The following ARHGAP40 variants were observed in gnomAD, a reference collection of about 807,000 sequenced individuals.
ARHGAP40 encodes the protein Rho GTPase activating protein 40.
A neutral mutation model predicts 73.5 loss-of-function variants in ARHGAP40; 43 were observed. The ratio of observed to expected loss-of-function variants is 0.58; its 90% CI spans 0.46 to 0.75. The LOEUF is 0.75. Ranked by LOEUF, ARHGAP40 falls within the 30% of genes least tolerant of loss-of-function variation. The pLI is 0.00. For missense variants in ARHGAP40, 734 were observed against 861.8 expected, an observed-to-expected ratio of 0.85 and a Z score of 1.86; for synonymous variants, 300 against 352.8, an observed-to-expected ratio of 0.85 and a Z score of 1.68.
At chr20:38,648,262 G>A (rs756056032) in intron 13 of ARHGAP40, among the ~76,000 whole-genome samples, 12 of 152,256 alleles carry the variant, frequency 7.9e-5, no homozygotes, top group African/African-American at 4.8e-5. Flanking sequence ...ATTATCATAT[G>A]TAATCATACA....
At chr20:38,604,502 T>A in intron 1 of ARHGAP40, among the ~76,000 whole-genome samples, 1 of 151,970 alleles carries the variant, frequency 6.6e-6, no homozygotes, top group East Asian at 1.9e-4. Flanking sequence ...TTCAAGTGAT[T>A]CTCCTGCCTT....
chr20:38,630,589 G>C (rs1225793719), intron 5 of ARHGAP40, among the ~76,000 whole-genome samples: 1 of 152,074 alleles, frequency 6.6e-6, no homozygotes, highest in Non-Finnish European at 1.5e-5. Flanking sequence ...ATCATTGATA[G>C]TTAGGTTTTT....
intron 3 of ARHGAP40, among the ~76,000 whole-genome samples, 187 bp downstream of exon 3, chr20:38,627,402 TGGGGTA>T (rs2088905421): frequency 1.7e-5 from 2 of 117,182 alleles, no homozygotes; most frequent in Non-Finnish European, 3.6e-5. Flanking sequence ...GTGTGTGTGT[TGGGGTA>T]TGTGTGTTGG....
chr20:38,615,480 G>T, intron 1 of ARHGAP40: 1 of 677,296 alleles, frequency 1.5e-6, no homozygotes. Context: ...CGTCCATGGC[G>T]GCGCGAGTGG....
At chr20:38,629,113 A>C in intron 4 of ARHGAP40, 111 bp downstream of exon 4, 1 of 939,912 alleles carries the variant, frequency 1.1e-6, no homozygotes, top group Non-Finnish European at 1.4e-6. Context: ...CTTCCTGCTG[A>C]CTCCCTGCCT....
At chr20:38,643,610 G>T (rs1421245020) in intron 10 of ARHGAP40, 94 bp from the exon 11 acceptor site, 1 of 1,066,784 alleles carries the variant, frequency 9.4e-7, no homozygotes, top group Non-Finnish European at 1.3e-6. Context: ...CTCCTTCCTA[G>T]CACCCCCTTA....
chr20:38,619,867 C>T (rs1016602660), intron 1 of ARHGAP40, among the ~76,000 whole-genome samples: 10 of 151,900 alleles, frequency 6.6e-5, no homozygotes, highest in Middle Eastern at 6.8e-3. Flanking sequence ...GGAGTCAAGG[C>T]ATTTAAGGGC....
chr20:38,603,708 C>A (rs1390859023), intron 1 of ARHGAP40, among the ~76,000 whole-genome samples: 2 of 152,154 alleles, frequency 1.3e-5, no homozygotes, highest in African/African-American at 4.8e-5. Context: ...TGCTGGAAAT[C>A]CCCAAATCGA....
At chr20:38,617,279 G>A (rs953349097) in intron 1 of ARHGAP40, among the ~76,000 whole-genome samples, 11 of 152,196 alleles carry the variant, frequency 7.2e-5, no homozygotes, top group Non-Finnish European at 1.2e-4. Flanking sequence ...TCTCGGCTTC[G>A]CTGAGCAGGC....
At chr20:38,615,203 G>T (rs532285292) in intron 1 of ARHGAP40, 193 of 787,908 alleles carry the variant, frequency 2.4e-4, no homozygotes, top group Middle Eastern at 5.6e-4. Flanking sequence ...TGTAGTAAAG[G>T]CTGGTGGGCA....
At chr20:38,630,061 TTTC>T (rs1164693306) in intron 5 of ARHGAP40, among the ~76,000 whole-genome samples, 1 of 127,738 alleles carries the variant, frequency 7.8e-6, no homozygotes, top group Non-Finnish European at 1.7e-5. Flanking sequence ...CTCCTTCTTT[TTTC>T]TTTCTTTCTT....
At chr20:38,610,060 C>T (rs6100402) in intron 1 of ARHGAP40, among the ~76,000 whole-genome samples, 30,827 of 152,244 alleles carry the variant, frequency 0.2, 4,808 homozygotes, top group African/African-American at 0.44. Flanking sequence ...GATGCTCTTC[C>T]TGCTGGTCTT....
chr20:38,644,271 A>C (rs891538772), intron 11 of ARHGAP40, among the ~76,000 whole-genome samples: 36 of 152,194 alleles, frequency 2.4e-4, no homozygotes, highest in African/African-American at 8.7e-4. Context: ...CAGAGCCCAG[A>C]ACCAGATAAC....
At chr20:38,626,892 C>G in intron 2 of ARHGAP40, 103 bp from the exon 3 acceptor site, 1 of 894,282 alleles carries the variant, frequency 1.1e-6, no homozygotes, top group Non-Finnish European at 1.6e-6. Context: ...TGCAGAAACT[C>G]CTGTGTCCAG....
intron 2 of ARHGAP40, among the ~76,000 whole-genome samples, chr20:38,624,631 T>C (rs575318256): frequency 1.7e-3 from 167 of 96,778 alleles, no homozygotes; most frequent in Non-Finnish European, 2.5e-3. Flanking sequence ...AAAAGCACTT[T>C]CCTGCCTCAA....
chr20:38,614,074 G>A (rs1203471292), intron 1 of ARHGAP40, among the ~76,000 whole-genome samples: 4 of 152,154 alleles, frequency 2.6e-5, no homozygotes, highest in East Asian at 1.9e-4. Flanking sequence ...GGGTTGCTTC[G>A]TAGATGTGAG....
intron 1 of ARHGAP40, among the ~76,000 whole-genome samples, chr20:38,603,517 CCATCTATCTATT>C (rs201433986): frequency 0.011 from 1,606 of 152,144 alleles, 27 homozygotes; most frequent in African/African-American, 0.036. Flanking sequence ...ATCTATCTAT[CCATCTATCTATT>C]CATCTATCTA....
intron 1 of ARHGAP40, among the ~76,000 whole-genome samples, chr20:38,616,786 C>T (rs1448550346): frequency 1.3e-5 from 2 of 152,080 alleles, no homozygotes; most frequent in African/African-American, 4.8e-5. Flanking sequence ...GGTCTGGAGA[C>T]CTTGTCATTG....
chr20:38,632,812 C>A (rs1568609151), intron 5 of ARHGAP40, among the ~76,000 whole-genome samples: 2 of 150,648 alleles, frequency 1.3e-5, no homozygotes, highest in Non-Finnish European at 3.0e-5. Context: ...CCCATCTCTA[C>A]AAAAATTTTT....
Sources: allele counts gnomAD v4.1 joint callset (sites outside exome capture counted in the v4.1 genomes callset), GRCh38; gene constraint gnomAD v4.1.1; transcripts MANE v1.5; gene names NCBI Gene and HGNC (gene_info 2026-07-23, HGNC 2026-07-21).